ARIH1: variants seen among roughly 807,000 people sequenced by gnomAD.
ARIH1 encodes E3 ubiquitin-protein ligase ARIH1.
Under a neutral mutation model 85.0 loss-of-function variants are expected in ARIH1, and 8 were observed. The observed-to-expected ratio is 0.09, with a 90% CI of 0.06 to 0.17. The LOEUF (loss-of-function observed/expected upper bound fraction) is 0.17. Among genes scored for constraint, ARIH1 ranks in the 10% least tolerant of loss-of-function variants. The pLI, the probability that ARIH1 is intolerant of heterozygous loss-of-function variation, is 1.00. For synonymous variants in ARIH1, 238 were observed against 253.6 expected, an observed-to-expected ratio of 0.94 and a Z score of 0.59; for missense variants, 311 against 718.1, an observed-to-expected ratio of 0.43 and a Z score of 6.48.
chr15:72,501,844 C>T (rs982851709), intron 1 of ARIH1, among the ~76,000 whole-genome samples: 13 of 152,150 alleles, frequency 8.5e-5, no homozygotes, highest in African/African-American at 3.1e-4. Context: ...ATTTAAGTTA[C>T]CTGGTTCTTG....
At chr15:72,550,980 G>T (rs2064150670) in intron 3 of ARIH1, among the ~76,000 whole-genome samples, 1 of 152,058 alleles carries the variant, frequency 6.6e-6, no homozygotes, top group South Asian at 2.1e-4. Context: ...CCCTCTCATA[G>T]ATTTCTTTTC....
chr15:72,563,305 C>T (rs1205718581), intron 6 of ARIH1, 89 bp from the exon 7 acceptor site: 14 of 1,112,346 alleles, frequency 1.3e-5, no homozygotes, highest in African/African-American at 3.1e-5. Context: ...ACAGTCCTCC[C>T]GCCTTGGCCT....
Position 72,555,866 on chromosome 15 carries a change from T to C in ARIH1, c.696T>C (p.Pro232=). ...EEGMGQTISC[P]AHGCDILVDD... ...ATCTTTTTCAGACTATTTCGTGTCC[T>C]GCTCATGGTTGTGATATCTTAGTGG... Residue 232 remains proline (P), a synonymous_variant, in exon 5 of 14, where the codon CCT becomes CCC. Transcript: ENST00000379887. 6.2e-7 allele frequency: 1 copy of C among 1,613,236 alleles called. No individual in the cohort carries two copies. Among genetic ancestry groups the C allele is most frequent in the Non-Finnish European group, 8.5e-7 (1 of 1,179,380 alleles).
At chr15:72,521,361 T>C (rs983597810) in intron 2 of ARIH1, among the ~76,000 whole-genome samples, 8 of 152,122 alleles carry the variant, frequency 5.3e-5, no homozygotes, top group Admixed American at 4.6e-4. Context: ...AAACTTACTG[T>C]AATATTTCTG....
chr15:72,483,604 A>G (rs530646965), intron 1 of ARIH1, among the ~76,000 whole-genome samples: 1 of 152,216 alleles, frequency 6.6e-6, no homozygotes, highest in Admixed American at 6.5e-5. Context: ...TTTCTATCCA[A>G]TCTTTTTGTA....
chr15:72,484,649 G>GTA lies in ARIH1; in HGVS notation c.375+9645_375+9646dup, dbSNP rs973862130. 2.9e-4 allele frequency among the ~76,000 whole-genome samples: 44 copies of GTA among 150,344 alleles called. 1 individual carries two copies. The highest frequency in any genetic ancestry group is 1.3e-3 in the South Asian group (6 of 4,782). On this transcript the variant is annotated intron_variant, in intron 1 of 13. Coordinates refer to ENST00000379887, the MANE Select transcript of ARIH1 (RefSeq NM_005744.5). ...TTCCATCATATATATATATATATGT[G>GTA]TATATATATATGTGTGTGTATACAT...
chr15:72,530,992 A>C (rs944886563), intron 2 of ARIH1, among the ~76,000 whole-genome samples: 1 of 152,202 alleles, frequency 6.6e-6, no homozygotes, highest in African/African-American at 2.4e-5. Flanking sequence ...AGATTGGTAA[A>C]AGACCCAAAT....
rs905071123 is a variant in ARIH1, at chr15:72,597,841, C to T, written c.*14549C>T. 1 of 152,292 alleles carries T rather than the reference C, an allele frequency of 6.6e-6. No individual in the cohort carries two copies. The highest frequency in any genetic ancestry group is 1.5e-5 in the Non-Finnish European group (1 of 68,052). The allele number at this position is 152,292 out of a possible 1,614,324, so 9.4% of individuals were successfully genotyped here. ...TTCAGCAGGTTTCTCTTTTCTCCCC[C>T]CTGTAGTATTCCTCTTCCTACCATA... On this transcript the variant is annotated 3_prime_UTR_variant, in exon 14 of 14. Transcript: ENST00000379887.
chr15:72,581,642 C>G (rs1310726783), intron 12 of ARIH1: 1 of 159,668 alleles, frequency 6.3e-6, no homozygotes. Context: ...AGGTACAAAA[C>G]TAGCCATAGT....
chr15:72,546,390 T>TG (rs2064128989), intron 3 of ARIH1, among the ~76,000 whole-genome samples: 1 of 152,230 alleles, frequency 6.6e-6, no homozygotes, highest in South Asian at 2.1e-4. Flanking sequence ...GTAGGTAAAG[T>TG]GGTGAACTGA....
At position 72,570,316 on chromosome 15, in the gene ARIH1, G is replaced by A. The variant is rs2064237272; in HGVS notation, c.1157+9G>A. 6.2e-7 allele frequency: 1 copy of A among 1,613,350 alleles called. No individual in the cohort carries two copies. Among genetic ancestry groups the A allele is most frequent in the African/African-American group, 1.3e-5 (1 of 74,880 alleles). ...CCACATGGATCTGCCTGGTAGGTTGGGGAAATTAAGGGAAGAATGTGTTTA... is the reference window on the plus strand; with the variant it reads ...CCACATGGATCTGCCTGGTAGGTTGAGGAAATTAAGGGAAGAATGTGTTTA... On this transcript the variant is annotated intron_variant, in intron 10 of 13. Transcript: ENST00000379887.
chr15:72,571,736 C>A (rs1378290316), intron 10 of ARIH1, among the ~76,000 whole-genome samples: 3 of 152,062 alleles, frequency 2.0e-5, no homozygotes, highest in Non-Finnish European at 4.4e-5. Flanking sequence ...TTATCTCTTT[C>A]TCAAAAAGTT....
Position 72,593,633 on chromosome 15 carries a change from T to TCAATACACAC in ARIH1, c.*10341_*10342insCAATACACAC, listed in dbSNP as rs2064351555. 6.6e-6 allele frequency: 1 copy of TCAATACACAC among 152,234 alleles called. No homozygotes were observed. Among genetic ancestry groups the TCAATACACAC allele is most frequent in the Non-Finnish European group, 1.5e-5 (1 of 68,026 alleles). 9.4% of individuals were successfully genotyped at this position (152,234 alleles called of 1,614,324 possible). A position where few individuals can be genotyped will look rare whatever the true frequency, so the allele number is the denominator to read the frequency against. ...TGGTTAAAAATTGATCACGTGTGTG[T>TCAATACACAC]GTATTTCTACATTTTCTGTTCTGTT... is the stretch of plus-strand genomic sequence containing the variant. On this transcript the variant is annotated 3_prime_UTR_variant, in exon 14 of 14. Coordinates refer to ENST00000379887, the MANE Select transcript of ARIH1 (RefSeq NM_005744.5).
intron 2 of ARIH1, among the ~76,000 whole-genome samples, chr15:72,527,984 G>A (rs546025116): frequency 6.6e-6 from 1 of 152,026 alleles, no homozygotes; most frequent in Non-Finnish European, 1.5e-5. Flanking sequence ...GAATTTTATT[G>A]AAGTTATGAC....
At chr15:72,565,992 G>T (rs2064218813) in intron 7 of ARIH1, among the ~76,000 whole-genome samples, 1 of 152,072 alleles carries the variant, frequency 6.6e-6, no homozygotes, top group South Asian at 2.1e-4. Flanking sequence ...AAGTGTATAT[G>T]TCATGAACTT....
intron 1 of ARIH1, among the ~76,000 whole-genome samples, chr15:72,500,898 TTAAA>T (rs2063900094): frequency 6.6e-6 from 1 of 152,234 alleles, no homozygotes; most frequent in Non-Finnish European, 1.5e-5. Flanking sequence ...TGTATGTATA[TTAAA>T]TAAAATAACT....
In ARIH1 at chr15:72,518,745, G is replaced by A. The variant is rs140850150; in HGVS notation, c.443+611G>A. 4.4e-3 allele frequency among the ~76,000 whole-genome samples: 654 copies of A among 148,038 alleles called. 6 individuals are homozygous for A. The highest frequency in any genetic ancestry group is 0.016 in the African/African-American group (629 of 39,906). The stretch of plus-strand genomic sequence containing the variant: ...GGAGGTTGCAGTGAGCAGAGATGGC[G>A]CTACTACACTCCAGCCTGGCAACAG... On this transcript the variant is annotated intron_variant, in intron 2 of 13. Coordinates refer to ENST00000379887, the MANE Select transcript of ARIH1 (RefSeq NM_005744.5).
At chr15:72,475,115 C>G in intron 1 of ARIH1, 101 bp downstream of exon 1, 1 of 1,472,108 alleles carries the variant, frequency 6.8e-7, no homozygotes, top group South Asian at 1.3e-5. Flanking sequence ...GGTGCGCAGC[C>G]TAGCCCGGTG....
Position 72,498,961 on chromosome 15 carries a change from A to ATTTTTTTTTTTT in ARIH1, c.376-19080_376-19069dup, listed in dbSNP as rs535261674. On this transcript the variant is annotated intron_variant, in intron 1 of 13. Transcript: ENST00000379887. ...TTATGTCGTTTGCACCTTTTCATAA[A>ATTTTTTTTTTTT]TTTTTTTTTTTTTTTTTTTTTTTTT... Among the ~76,000 whole-genome samples, 14 of 88,430 alleles carry ATTTTTTTTTTTT rather than the reference A, an allele frequency of 1.6e-4. 4 individuals carry two copies. Among genetic ancestry groups the ATTTTTTTTTTTT allele is most frequent in the African/African-American group, 3.7e-4 (8 of 21,450 alleles). 58.0% of individuals were successfully genotyped at this position (88,430 alleles called of 152,430 possible).
Sources: gnomAD v4.1 joint callset for allele counts (sites outside exome capture counted in the v4.1 genomes callset) on GRCh38, gnomAD v4.1.1 for gene constraint, MANE v1.5 for transcripts, NCBI Gene and HGNC (gene_info 2026-07-23, HGNC 2026-07-21) for gene names.